Variants in RSRC1 observed in about 807,000 individuals in gnomAD.
The protein encoded by RSRC1 is arginine and serine rich coiled-coil 1.
In RSRC1, 39 loss-of-function variants were observed where a neutral mutation model predicts 49.1. That is an observed-to-expected ratio of 0.79 (90% confidence interval 0.61 to 1.04). The LOEUF (loss-of-function observed/expected upper bound fraction) is 1.04. Ranked by LOEUF, RSRC1 falls within the 50% of genes least tolerant of loss-of-function variation. The pLI, the probability that RSRC1 is intolerant of heterozygous loss-of-function variation, is 0.00. For synonymous variants in RSRC1, 143 were observed against 130.8 expected, an observed-to-expected ratio of 1.09 and a Z score of -0.63; for missense variants, 388 against 402.4, an observed-to-expected ratio of 0.96 and a Z score of 0.31.
chr3:158,451,065 A>G (rs1176661364), intron 6 of RSRC1, among the ~76,000 whole-genome samples: 1 of 151,852 alleles, frequency 6.6e-6, no homozygotes, highest in Non-Finnish European at 1.5e-5. Flanking sequence ...GTCAAGTTGT[A>G]AATTTATAAT....
At chr3:158,423,927 C>T (rs570675996) in intron 6 of RSRC1, among the ~76,000 whole-genome samples, 29 of 151,008 alleles carry the variant, frequency 1.9e-4, no homozygotes, top group African/African-American at 6.3e-4. Flanking sequence ...GATTTTGTAT[C>T]CTGAGACTTT....
intron 4 of RSRC1, among the ~76,000 whole-genome samples, chr3:158,204,325 T>C (rs189836617): frequency 1.1e-3 from 171 of 152,272 alleles, no homozygotes; most frequent in African/African-American, 3.7e-3. Context: ...AATGTTAAAT[T>C]TGTGGTGGAG....
At chr3:158,165,737 C>T (rs1718493776) in intron 3 of RSRC1, among the ~76,000 whole-genome samples, 1 of 152,200 alleles carries the variant, frequency 6.6e-6, no homozygotes, top group South Asian at 2.1e-4. Flanking sequence ...ATTCTTTTAT[C>T]ACTGTCTCTT....
intron 6 of RSRC1, among the ~76,000 whole-genome samples, chr3:158,438,329 A>C (rs113094630): frequency 1.4e-3 from 213 of 152,344 alleles, no homozygotes; most frequent in African/African-American, 4.8e-3. Context: ...TTTAGAGTTC[A>C]TATGGAACCA....
At chr3:158,192,931 T>C (rs1311303852) in intron 3 of RSRC1, among the ~76,000 whole-genome samples, 4 of 152,120 alleles carry the variant, frequency 2.6e-5, no homozygotes, top group Non-Finnish European at 5.9e-5. Flanking sequence ...TTTAAAGGTC[T>C]GTCAAAATCA....
chr3:158,234,800 T>C (rs963751805), intron 4 of RSRC1, among the ~76,000 whole-genome samples: 1 of 152,192 alleles, frequency 6.6e-6, no homozygotes, highest in Non-Finnish European at 1.5e-5. Context: ...AAATCTTTAA[T>C]CACTCTTTCT....
At chr3:158,248,641 A>G (rs1408781565) in intron 4 of RSRC1, among the ~76,000 whole-genome samples, 1 of 150,376 alleles carries the variant, frequency 6.6e-6, no homozygotes, top group Non-Finnish European at 1.5e-5. Context: ...TCTGTCTCCC[A>G]GGCTGGAGTG....
chr3:158,311,391 G>A (rs968538729), intron 5 of RSRC1, among the ~76,000 whole-genome samples: 8 of 151,584 alleles, frequency 5.3e-5, no homozygotes, highest in African/African-American at 1.9e-4. Flanking sequence ...TATTTATTAT[G>A]AATAGATGTA....
chr3:158,400,350 A>G (rs532156272), intron 6 of RSRC1, among the ~76,000 whole-genome samples: 3 of 152,264 alleles, frequency 2.0e-5, no homozygotes, highest in Admixed American at 2.0e-4. Flanking sequence ...TACTGATAAT[A>G]AATGTTACTG....
intron 4 of RSRC1, among the ~76,000 whole-genome samples, chr3:158,207,084 A>G (rs1214516273): frequency 6.6e-6 from 1 of 152,150 alleles, no homozygotes; most frequent in East Asian, 1.9e-4. Flanking sequence ...GAGCTAATAA[A>G]CGGCAGAGTT....
At position 158,125,634 on chromosome 3, in the gene RSRC1, C is replaced by G. The variant is rs143592957; in HGVS notation, c.320+1643C>G. On this transcript the variant is annotated intron_variant, in intron 3 of 9. Transcript: ENST00000611884. ...AATTTGTTAAGACTTGTTTTGTGGC[C>G]TAACATGAAATCTGTCGTGGAGAAT... is the stretch of plus-strand genomic sequence containing the variant. Among the ~76,000 whole-genome samples, 1,013 of 152,154 alleles carry G rather than the reference C, an allele frequency of 6.7e-3. 11 individuals carry two copies. The highest frequency in any genetic ancestry group is 0.023 in the African/African-American group (971 of 41,526).
chr3:158,381,425 C>T (rs1732689208), intron 6 of RSRC1, among the ~76,000 whole-genome samples: 1 of 152,196 alleles, frequency 6.6e-6, no homozygotes, highest in African/African-American at 2.4e-5. Context: ...GAAGTGATCT[C>T]TCGCAGTTCT....
At chr3:158,132,690 G>A (rs1441823846) in intron 3 of RSRC1, among the ~76,000 whole-genome samples, 1 of 152,174 alleles carries the variant, frequency 6.6e-6, no homozygotes, top group Non-Finnish European at 1.5e-5. Context: ...TATACTGGAT[G>A]AGCTATCCTT....
At chr3:158,381,324 C>T (rs548568694) in intron 6 of RSRC1, among the ~76,000 whole-genome samples, 1 of 152,294 alleles carries the variant, frequency 6.6e-6, no homozygotes, top group South Asian at 2.1e-4. Flanking sequence ...GTGATGAGCT[C>T]AAGTGTTACA....
Position 158,210,483 on chromosome 3 carries a change from A to G in RSRC1, c.494+7238A>G, listed in dbSNP as rs1721614489. Among the ~76,000 whole-genome samples the G allele has an allele frequency of 2.6e-5, 4 of 151,974 alleles. No homozygotes were observed. The South Asian group carries it at 8.3e-4, about 32-fold the overall frequency. On this transcript the variant is annotated intron_variant, in intron 4 of 9. Transcript: ENST00000611884. ...CATGTCATTATAGCATGCAAAAAAA[A>G]AAAAAAAAGCTTCATACCGTCAATT...
rs551245983 is a variant in RSRC1 at position 158,238,743 on chromosome 3, A to T, written c.494+35498A>T. ...AAGATGGATTGAAGCCTTAAATGTT[A>T]GACCTGAAACTATGAAAACCCTAGA... On this transcript the variant is annotated intron_variant, in intron 4 of 9. Transcript: ENST00000611884. Among the ~76,000 whole-genome samples the T allele has an allele frequency of 2.6e-4, 40 of 152,388 alleles. No homozygotes were observed. The South Asian group carries it at 8.1e-3, about 31-fold the overall frequency.
intron 6 of RSRC1, among the ~76,000 whole-genome samples, chr3:158,380,835 A>G (rs985619921): frequency 1.6e-4 from 25 of 152,154 alleles, no homozygotes; most frequent in Non-Finnish European, 3.5e-4. Context: ...ATTTTTTTCT[A>G]TACTTAATGT....
At chr3:158,413,696 C>G (rs905254805) in intron 6 of RSRC1, among the ~76,000 whole-genome samples, 3 of 151,912 alleles carry the variant, frequency 2.0e-5, no homozygotes, top group African/African-American at 7.3e-5. Context: ...AGATACTTCT[C>G]AAAAGAAGAC....
intron 4 of RSRC1, among the ~76,000 whole-genome samples, chr3:158,271,719 A>G (rs1160888842): frequency 1.3e-5 from 2 of 152,152 alleles, no homozygotes; most frequent in African/African-American, 4.8e-5. Context: ...TAAAGATAAC[A>G]TCTAGCTAAA....
Sources: allele counts gnomAD v4.1 joint callset (sites outside exome capture counted in the v4.1 genomes callset), GRCh38; gene constraint gnomAD v4.1.1; transcripts MANE v1.5; gene names NCBI Gene and HGNC (gene_info 2026-07-23, HGNC 2026-07-21).